The following JAK3 variants were observed in gnomAD, a reference collection of about 807,000 sequenced individuals.
JAK3 encodes tyrosine-protein kinase JAK3.
In JAK3, 88 loss-of-function variants were observed where a neutral mutation model predicts 120.8. The observed-to-expected ratio is 0.73, with a 90% CI of 0.61 to 0.87. The LOEUF (loss-of-function observed/expected upper bound fraction) is 0.87, where lower values mean the gene tolerates loss of function less well. JAK3 is among the 40% of genes least tolerant of loss of function. The probability of loss-of-function intolerance (pLI) is 0.00; values close to 1 mark genes in which losing one functional copy is unlikely to be tolerated. For synonymous variants in JAK3, 592 were observed against 628.6 expected (o/e 0.94, Z 0.87); for missense variants, 1,254 against 1,501.4 (o/e 0.84, Z 2.72).
chr19:17,834,499 C>G, intron 17 of JAK3, 72 bp downstream of exon 17: 1 of 1,589,932 alleles, frequency 6.3e-7, no homozygotes. Flanking sequence ...TGGCCTGCTG[C>G]AAACCACGCT....
Position 17,840,327 on chromosome 19 carries a change from A to T in JAK3, c.1157T>A (p.Ile386Asn). The change falls in exon 9 of 24, where the codon ATC becomes AAC. Residue 386 changes from isoleucine to asparagine, a missense_variant. Physicochemically the swap from Ile to Asn is moderately radical, Grantham distance 149. Coordinates refer to ENST00000458235, the MANE Select transcript of JAK3 (RefSeq NM_000215.4). Reference sequence around the variant, plus strand: ...TGAGCCCCCAGTCTTGAGCTTGTTGATGGCAAAGTCCAGACTGTGGGGGAA... The same window carrying T: ...TGAGCCCCCAGTCTTGAGCTTGTTGTTGGCAAAGTCCAGACTGTGGGGGAA... ...CHGPITLDFA[I>N]NKLKTGGSRP... is the part of the protein sequence containing the mutation. 1 of 1,613,194 alleles carries T rather than the reference A, an allele frequency of 6.2e-7. No homozygotes were observed. The highest frequency in any genetic ancestry group is 8.5e-7 in the Non-Finnish European group (1 of 1,179,442).
At position 17,831,403 on chromosome 19, in the gene JAK3, G is replaced by A. The variant is rs766654268; in HGVS notation, c.2806-3C>T. 6.2e-7 allele frequency: 1 copy of A among 1,602,408 alleles called. No homozygotes were observed. Among genetic ancestry groups the A allele is most frequent in the Non-Finnish European group, 8.5e-7 (1 of 1,179,682 alleles). Reference sequence around the variant, plus strand: ...CGGGAGCCCAGGTACTCCATGCCCTGCGGGCGGGCGGTGTGAGCGTGCAGA... The same window carrying A: ...CGGGAGCCCAGGTACTCCATGCCCTACGGGCGGGCGGTGTGAGCGTGCAGA... On this transcript the variant is annotated splice_polypyrimidine_tract_variant and splice_region_variant and intron_variant, in intron 20 of 23. Transcript: ENST00000458235. This position sits in a 1 kb window ranked among gnomAD's most constrained non-coding sequence, Gnocchi z 5.1.
rs2094241061 is a variant in JAK3 at position 17,842,203 on chromosome 19, C to T, written c.861+113G>A. The stretch of plus-strand genomic sequence containing the variant: ...GCCCCGCCCCTCATTAAGCCTCGCC[C>T]ACTTCCCCAAGTCTTTCGTTTTGGC... On this transcript the variant is annotated intron_variant, in intron 6 of 23. Coordinates refer to ENST00000458235, the MANE Select transcript of JAK3 (RefSeq NM_000215.4). This position sits in a 1 kb window ranked among gnomAD's most constrained non-coding sequence, Gnocchi z 6.4. The T allele has an allele frequency of 1.7e-6, 2 of 1,190,544 alleles. No individual in the cohort carries two copies. Among genetic ancestry groups the T allele is most frequent in the African/African-American group, 3.1e-5 (2 of 65,056 alleles). 73.7% of individuals were successfully genotyped at this position (1,190,544 alleles called of 1,614,324 possible).
At chr19:17,833,755 A>G (rs1461908268) in intron 17 of JAK3, among the ~76,000 whole-genome samples, 1 of 152,108 alleles carries the variant, frequency 6.6e-6, no homozygotes, top group Non-Finnish European at 1.5e-5. Context: ...TGGGAGTCTG[A>G]GGCGGGAGAA....
chr19:17,847,851 G>A, intron 1 of JAK3, 95 bp downstream of exon 1: 1 of 546,448 alleles, frequency 1.8e-6, no homozygotes, highest in Non-Finnish European at 2.4e-6. Context: ...GCTAGCCTTT[G>A]CCCTGGCAGC....
At chr19:17,833,336 A>G (rs1031294848) in intron 17 of JAK3, among the ~76,000 whole-genome samples, 3 of 152,098 alleles carry the variant, frequency 2.0e-5, no homozygotes, top group Admixed American at 6.6e-5. Context: ...AGAGGATCCA[A>G]CGGGGACCCA....
At chr19:17,845,824 G>GT (rs1406077045) in intron 1 of JAK3, among the ~76,000 whole-genome samples, 2 of 151,964 alleles carry the variant, frequency 1.3e-5, no homozygotes, top group Admixed American at 6.6e-5. Context: ...ATTAATGAGG[G>GT]TTTTTTTGTT....
intron 17 of JAK3, among the ~76,000 whole-genome samples, chr19:17,833,320 A>G (rs1236114429): frequency 2.0e-5 from 3 of 152,082 alleles, no homozygotes; most frequent in African/African-American, 7.2e-5. Context: ...TCTCTCTTTT[A>G]TCTGCAGAGG....
chr19:17,834,842 G>C lies in JAK3; in HGVS notation c.2199+10C>G, dbSNP rs185973755. On this transcript the variant is annotated intron_variant, in intron 16 of 23. Transcript: ENST00000458235. ...GGTTCGGAGACCGATGCCGGGTGAGGGGCTCTGACCTTAGCAGGATCCAGG... is the reference window on the plus strand; with the variant it reads ...GGTTCGGAGACCGATGCCGGGTGAGCGGCTCTGACCTTAGCAGGATCCAGG... 181 of 1,613,742 alleles carry C rather than the reference G, an allele frequency of 1.1e-4. No individual in the cohort carries two copies. The highest frequency in any genetic ancestry group is 1.5e-4 in the Non-Finnish European group (173 of 1,179,688).
In JAK3 at chr19:17,837,152, TG is replaced by T; in HGVS notation, c.1762del (p.His588ThrfsTer21). 6.4e-7 allele frequency: 1 copy of T among 1,560,982 alleles called. No individual in the cohort carries two copies. Among genetic ancestry groups the T allele is most frequent in the East Asian group, 2.4e-5 (1 of 41,960 alleles). On this transcript the variant is annotated frameshift_variant, in exon 13 of 24. Transcript: ENST00000458235. LOFTEE classifies it high-confidence loss of function. Reference protein sequence around the residue: ...QVSYRHLVLLHGVCMAGDSTM... With the variant: ...QVSYRHLVLLXGVCMAGDSTM... ...ACTGTCTCCAGCCATGCACACGCCG[TG>T]GAGCAGCACGAGATGCCGGTACGAC...
In JAK3 at chr19:17,838,349, G is replaced by A. The variant is rs2094229513; in HGVS notation, c.1483C>T (p.Pro495Ser). The A allele has an allele frequency of 6.2e-7, 1 of 1,614,116 alleles. No individual in the cohort carries two copies. ...TGGGGCTGAACCAAGGATGATGTGG[G>A]TGGGCTGTGACCTCTCTGGACCACG... ...LIVVQRGHSP[P>S]TSSLVQPQSQ... Residue 495 changes from proline (P) to serine (S), a missense_variant, in exon 11 of 24, where the codon CCC (proline) becomes TCC (serine). Physicochemically the swap from Pro to Ser is moderately conservative, Grantham distance 74. Transcript: ENST00000458235.
At position 17,844,217 on chromosome 19, in the gene JAK3, A is replaced by T. The variant is rs200903837; in HGVS notation, c.184+17T>A. 6.4e-7 allele frequency: 1 copy of T among 1,573,568 alleles called. No individual in the cohort carries two copies. Among genetic ancestry groups the T allele is most frequent in the Non-Finnish European group, 8.6e-7 (1 of 1,160,770 alleles). On this transcript the variant is annotated intron_variant, in intron 2 of 23. Coordinates refer to ENST00000458235, the MANE Select transcript of JAK3 (RefSeq NM_000215.4). ...CCCATCCTTCCCTCTGGCCCGATCCACTAGGGATGCACTCACCGCTGGCCT... is the reference window on the plus strand; with the variant it reads ...CCCATCCTTCCCTCTGGCCCGATCCTCTAGGGATGCACTCACCGCTGGCCT...
Position 17,841,771 on chromosome 19 carries a change from G to C in JAK3, c.862-9C>G, listed in dbSNP as rs201654806. 6.2e-7 allele frequency: 1 copy of C among 1,602,806 alleles called. No individual in the cohort carries two copies. Among genetic ancestry groups the C allele is most frequent in the Non-Finnish European group, 8.5e-7 (1 of 1,179,868 alleles). On this transcript the variant is annotated splice_polypyrimidine_tract_variant and intron_variant, in intron 6 of 23. Coordinates refer to ENST00000458235, the MANE Select transcript of JAK3 (RefSeq NM_000215.4). This position sits in a 1 kb window ranked among gnomAD's most constrained non-coding sequence, Gnocchi z 4.1. The stretch of plus-strand genomic sequence containing the variant: ...CAGAAGGGCTGGAGGACCTGGGAAG[G>C]AGGGGGAGTACCGAAGTGGGGGCCC...
chr19:17,836,187 T>C (rs547440519), intron 13 of JAK3, 136 bp from the exon 14 acceptor site: 1 of 991,754 alleles, frequency 1.0e-6, no homozygotes, highest in South Asian at 1.4e-5. Context: ...CCTCTGTTCA[T>C]ACAGTACTCA....
chr19:17,842,550 C>G lies in JAK3; in HGVS notation c.627G>C (p.Thr209=). The change falls in exon 6 of 24, where the codon ACG becomes ACC. Residue 209 remains threonine (T), a synonymous_variant. Coordinates refer to ENST00000458235, the MANE Select transcript of JAK3 (RefSeq NM_000215.4). The surrounding 1 kb of genome is among the most constrained non-coding windows in gnomAD (Gnocchi z 6.4). The part of the protein sequence containing the change: ...RDLIQGLSFV[T]RRRIRRTVRR... ...GCACCGTCCTCCGAATACGCCTCCG[C>G]GTCACGAAGCTCAGGCCCTGGATCA... 1 of 1,587,230 alleles carries G rather than the reference C, an allele frequency of 6.3e-7. No homozygotes were observed. The highest frequency in any genetic ancestry group is 1.1e-5 in the South Asian group (1 of 87,646).
In JAK3 at chr19:17,842,338, G is replaced by A. The variant is rs997871810; in HGVS notation, c.839C>T (p.Ala280Val). ...CACCTCCTGTTCTCCCTGGGTCCAG[G>A]CGATGCCGCCGTCACCAGCCACGCG... Reference protein sequence around the residue: ...LLRVAGDGGIAWTQGEQEVLQ... With the variant: ...LLRVAGDGGIVWTQGEQEVLQ... Residue 280 changes from alanine (A) to valine (V), a missense_variant, in exon 6 of 24, where the codon GCC (alanine) becomes GTC (valine). This residue lies in a region of JAK3 where 486 missense variants were observed against 503.0 expected (regional missense o/e 0.97). Coordinates refer to ENST00000458235, the MANE Select transcript of JAK3 (RefSeq NM_000215.4). This position sits in a 1 kb window ranked among gnomAD's most constrained non-coding sequence, Gnocchi z 6.4. 1 of 1,589,048 alleles carries A rather than the reference G, an allele frequency of 6.3e-7. No individual in the cohort carries two copies. Among genetic ancestry groups the A allele is most frequent in the South Asian group, 1.1e-5 (1 of 89,058 alleles).
In JAK3 at chr19:17,838,347, G is replaced by T; in HGVS notation, c.1485C>A (p.Pro495=). 1 of 1,614,094 alleles carries T rather than the reference G, an allele frequency of 6.2e-7. No individual in the cohort carries two copies. The change falls in exon 11 of 24, where the codon CCC becomes CCA. Residue 495 remains proline (P), a synonymous_variant. Transcript: ENST00000458235. The part of the protein sequence containing the change: ...LIVVQRGHSP[P]TSSLVQPQSQ... ...ATTGGGGCTGAACCAAGGATGATGTGGGTGGGCTGTGACCTCTCTGGACCA... is the reference window on the plus strand; with the variant it reads ...ATTGGGGCTGAACCAAGGATGATGTTGGTGGGCTGTGACCTCTCTGGACCA...
intron 1 of JAK3, among the ~76,000 whole-genome samples, chr19:17,846,532 A>G (rs2094252502): frequency 6.6e-6 from 1 of 152,130 alleles, no homozygotes; most frequent in African/African-American, 2.4e-5. Context: ...ATAAAATCAC[A>G]CACCATAGCC....
chr19:17,833,492 G>C (rs975442071), intron 17 of JAK3, among the ~76,000 whole-genome samples: 5 of 146,358 alleles, frequency 3.4e-5, no homozygotes, highest in South Asian at 2.2e-4. Context: ...AGGATTGCTT[G>C]AGCCAGTAAT....
Sources: gnomAD v4.1 joint callset for allele counts (sites outside exome capture counted in the v4.1 genomes callset) on GRCh38, gnomAD v4.1.1 for gene constraint, gnomAD v4.1.1 regional missense constraint, Gnocchi (gnomAD v3.1) non-coding constraint, MANE v1.5 for transcripts, NCBI Gene and HGNC (gene_info 2026-07-23, HGNC 2026-07-21) for gene names.